Variants in RABL6 observed in about 807,000 individuals in gnomAD.
RABL6 encodes the protein rab-like protein 6.
In RABL6, 28 loss-of-function variants were observed where a neutral mutation model predicts 72.9. The observed-to-expected ratio is 0.38, with a 90% CI of 0.28 to 0.53. RABL6 has a LOEUF of 0.53. RABL6 is among the 20% of genes least tolerant of loss of function. The pLI, the probability that RABL6 is intolerant of heterozygous loss-of-function variation, is 0.80. For synonymous variants in RABL6, 477 were observed against 421.2 expected (o/e 1.13, Z -1.62); for missense variants, 1,029 against 1,008.4 (o/e 1.02, Z -0.28).
rs1206342781 is a variant in RABL6 at position 136,829,497 on chromosome 9, T to A, written c.458+13T>A. The A allele has an allele frequency of 6.4e-7, 1 of 1,565,542 alleles. No individual in the cohort carries two copies. Among genetic ancestry groups the A allele is most frequent in the Non-Finnish European group, 8.7e-7 (1 of 1,155,258 alleles). ...TTACCAAGCAGTGGTAAGAGGGAGC[T>A]GGCGGGGGCAGCTGCCTGTGACTCT... On this transcript the variant is annotated intron_variant, in intron 5 of 14. Coordinates refer to ENST00000311502, the MANE Select transcript of RABL6 (RefSeq NM_024718.5).
At chr9:136,832,226 G>A (rs1268383505) in intron 6 of RABL6, 39 bp from the exon 7 acceptor site, 1 of 1,575,058 alleles carries the variant, frequency 6.3e-7, no homozygotes, top group Non-Finnish European at 8.7e-7. Flanking sequence ...ACCAGGGCAA[G>A]GGTCTTTCTC....
At chr9:136,823,381 T>G in intron 1 of RABL6, 144 bp from the exon 2 acceptor site, 7 of 1,162,868 alleles carry the variant, frequency 6.0e-6, no homozygotes, top group Non-Finnish European at 7.2e-6. Flanking sequence ...CTTCCTCCCC[T>G]GCCTGCCGGT....
intron 6 of RABL6, 176 bp from the exon 7 acceptor site, chr9:136,832,089 C>CT: frequency 1.1e-6 from 1 of 879,808 alleles, no homozygotes; most frequent in Non-Finnish European, 1.7e-6. Context: ...ACTGTGGGGT[C>CT]ACCTGCAGAA....
At chr9:136,825,751 A>G (rs779110234) in intron 2 of RABL6, 28 bp from the exon 3 acceptor site, 86 of 1,610,704 alleles carry the variant, frequency 5.3e-5, no homozygotes, top group South Asian at 3.5e-4. Context: ...CATGTTGGGC[A>G]CTAATTTTAG....
chr9:136,809,204 C>T (rs1383417272), intron 1 of RABL6: 1 of 155,248 alleles, frequency 6.4e-6, no homozygotes, highest in African/African-American at 2.4e-5. Flanking sequence ...GTGATATTTC[C>T]ATGGTAATGT....
chr9:136,839,840 C>G lies in RABL6; in HGVS notation c.1905C>G (p.Ala635=), dbSNP rs770030398. The G allele has an allele frequency of 1.2e-6, 2 of 1,612,454 alleles. No individual in the cohort carries two copies. The highest frequency in any genetic ancestry group is 1.1e-5 in the South Asian group (1 of 91,068). ...TCTTCGGGCTGGGGCTGGAGGAGGC[C>G]GGACCCAAGGAGAGCAGTGAGGAAG... ...SDLFGLGLEE[A]GPKESSEEGK... Residue 635 remains alanine (A), a synonymous_variant, in exon 13 of 15, where the codon GCC becomes GCG. Transcript: ENST00000311502.
At position 136,840,371 on chromosome 9, in the gene RABL6, A is replaced by G. The variant is rs1477258068; in HGVS notation, c.2039A>G (p.Asp680Gly). ...AAGAGCAAACACAAGAAGAGCAAGG[A>G]CAAGGAGGAGGGCAAGGAGGAGCGG... ...KKKSKHKKSKDKEEGKEERRR... is the reference protein window; with the variant it reads ...KKKSKHKKSKGKEEGKEERRR... Residue 680 changes from aspartate (D) to glycine (G), a missense_variant, in exon 15 of 15, where the codon GAC becomes GGC. This residue lies in a region of RABL6 where 595 missense variants were observed against 472.4 expected (regional missense o/e 1.26). Transcript: ENST00000311502. 5.8e-6 allele frequency: 9 copies of G among 1,556,264 alleles called. No homozygotes were observed. In the African/African-American group the frequency reaches 6.8e-5, roughly 12 times the overall value.
In RABL6 at chr9:136,840,926, G is replaced by GC; in HGVS notation, c.*406dup. The stretch of plus-strand genomic sequence containing the variant: ...TGCTTGCCCTCCGCGCTCATCTGGG[G>GC]CCGCAGCATGCCTATGGTTCCGCTT... On this transcript the variant is annotated 3_prime_UTR_variant, in exon 15 of 15. Transcript: ENST00000311502. 1 of 1,474,796 alleles carries GC rather than the reference G, an allele frequency of 6.8e-7. No individual in the cohort carries two copies. Among genetic ancestry groups the GC allele is most frequent in the Non-Finnish European group, 9.0e-7 (1 of 1,108,658 alleles). 91.4% of individuals were successfully genotyped at this position (1,474,796 alleles called of 1,614,324 possible). A position where few individuals can be genotyped will look rare whatever the true frequency, so the allele number is the denominator to read the frequency against.
At chr9:136,835,910 CATGGG>C in intron 8 of RABL6, 65 bp downstream of exon 8, 1 of 1,412,540 alleles carries the variant, frequency 7.1e-7, no homozygotes. Context: ...GGTGCAGGGC[CATGGG>C]CTGCACCAAG....
chr9:136,809,345 G>T, intron 1 of RABL6: 1 of 193,056 alleles, frequency 5.2e-6, no homozygotes, highest in South Asian at 8.6e-5. Flanking sequence ...GGACAGTGAA[G>T]ATGTCGCCTT....
intron 8 of RABL6, chr9:136,836,414 G>C (rs572660989): frequency 6.6e-6 from 1 of 152,592 alleles, no homozygotes; most frequent in South Asian, 2.1e-4. Flanking sequence ...ACCCAGGCAG[G>C]GACCACGGAA....
chr9:136,838,157 TG>T, intron 10 of RABL6, 142 bp downstream of exon 10: 1 of 1,113,466 alleles, frequency 9.0e-7, no homozygotes, highest in Non-Finnish European at 1.3e-6. Flanking sequence ...AGCAGCTCTG[TG>T]GCTGGAGCAG....
At chr9:136,832,564 G>T (rs937659727) in intron 7 of RABL6, 194 bp downstream of exon 7, 3 of 663,606 alleles carry the variant, frequency 4.5e-6, no homozygotes, top group Non-Finnish European at 8.3e-6. Flanking sequence ...GGTCCTGAGG[G>T]CTAGACCCAG....
chr9:136,837,268 G>A (rs1848599788), intron 8 of RABL6, 78 bp from the exon 9 acceptor site: 1 of 1,448,424 alleles, frequency 6.9e-7, no homozygotes, highest in African/African-American at 1.4e-5. Context: ...AGCAGCAGCA[G>A]CAGAGAGCCC....
At chr9:136,822,397 T>C (rs895023153) in intron 1 of RABL6, among the ~76,000 whole-genome samples, 2 of 151,494 alleles carry the variant, frequency 1.3e-5, no homozygotes, top group Non-Finnish European at 2.9e-5. Context: ...GGCTTCTCTC[T>C]CCCCCGTGCC....
chr9:136,811,884 G>C (rs1221461748), intron 1 of RABL6, among the ~76,000 whole-genome samples: 2 of 152,174 alleles, frequency 1.3e-5, no homozygotes, highest in African/African-American at 4.8e-5. Context: ...CCACAATGAG[G>C]CCTGTCTGAC....
chr9:136,807,955 G>T lies in RABL6; in HGVS notation c.-242G>T. ...CCCGCCGAGCCGGCGCCAAGATGGC[G>T]GCGCTGACTCCTGGAGAGCGGTCGC... On this transcript the variant is annotated 5_prime_UTR_variant, in exon 1 of 15. Transcript: ENST00000311502. 1.0e-6 allele frequency: 1 copy of T among 1,000,394 alleles called. No individual in the cohort carries two copies. The highest frequency in any genetic ancestry group is 4.7e-5 in the South Asian group (1 of 21,468). 62.0% of individuals were successfully genotyped at this position (1,000,394 alleles called of 1,614,324 possible).
chr9:136,813,072 G>A (rs1161287267), intron 1 of RABL6: 4 of 380,428 alleles, frequency 1.1e-5, no homozygotes, highest in Admixed American at 9.6e-5. Context: ...TTTCCTGGTT[G>A]GTGACTACCC....
intron 1 of RABL6, among the ~76,000 whole-genome samples, chr9:136,819,718 G>A (rs1022524797): frequency 3.3e-5 from 5 of 152,120 alleles, no homozygotes; most frequent in African/African-American, 7.2e-5. Flanking sequence ...AAGGGTTACC[G>A]CAGGCTCAGA....
Sources: gnomAD v4.1 joint callset for allele counts (sites outside exome capture counted in the v4.1 genomes callset) on GRCh38, gnomAD v4.1.1 for gene constraint, gnomAD v4.1.1 regional missense constraint, MANE v1.5 for transcripts, NCBI Gene and HGNC (gene_info 2026-07-23, HGNC 2026-07-21) for gene names.